SLC7A14: variants seen among roughly 807,000 people sequenced by gnomAD.
The protein encoded by SLC7A14 is solute carrier family 7 member 14.
A neutral mutation model predicts 60.2 loss-of-function variants in SLC7A14; 37 were observed. The ratio of observed to expected loss-of-function variants is 0.61; its 90% confidence interval spans 0.47 to 0.81. The LOEUF (loss-of-function observed/expected upper bound fraction) is 0.81, where lower values mean the gene tolerates loss of function less well. Among genes scored for constraint, SLC7A14 ranks in the 30% least tolerant of loss-of-function variants. The pLI is 0.00. For synonymous variants in SLC7A14, 399 were observed against 395.8 expected (o/e 1.01, Z -0.10); for missense variants, 886 against 982.7 (o/e 0.90, Z 1.32).
intron 2 of SLC7A14, among the ~76,000 whole-genome samples, chr3:170,521,442 T>G (rs981553646): frequency 1.3e-5 from 2 of 152,184 alleles, no homozygotes; most frequent in African/African-American, 4.8e-5. Flanking sequence ...CTGGACCAAT[T>G]GAATTAGAAA....
chr3:170,479,543 T>A, intron 7 of SLC7A14, among the ~76,000 whole-genome samples: 1 of 151,980 alleles, frequency 6.6e-6, no homozygotes, highest in Non-Finnish European at 1.5e-5. Context: ...TGAAAGTGAG[T>A]TTAGAGAACA....
intron 1 of SLC7A14, among the ~76,000 whole-genome samples, chr3:170,566,985 C>A (rs185615988): frequency 1.6e-3 from 237 of 151,646 alleles, no homozygotes; most frequent in Non-Finnish European, 2.7e-3. Flanking sequence ...TATTGTCCTA[C>A]TTTTATTTTT....
intron 4 of SLC7A14, among the ~76,000 whole-genome samples, chr3:170,490,460 A>G (rs1195275825): frequency 1.3e-5 from 2 of 152,240 alleles, no homozygotes; most frequent in South Asian, 2.1e-4. Flanking sequence ...CACAACAACC[A>G]TATAAATTTG....
At chr3:170,495,957 A>G (rs1712379580) in intron 4 of SLC7A14, 6 of 1,338,018 alleles carry the variant, frequency 4.5e-6, no homozygotes, top group Non-Finnish European at 6.4e-6. Flanking sequence ...GGAGGACTTC[A>G]AGAACAAGTA....
chr3:170,520,301 GGT>G (rs1713303725), intron 2 of SLC7A14, among the ~76,000 whole-genome samples: 1 of 152,072 alleles, frequency 6.6e-6, no homozygotes, highest in Non-Finnish European at 1.5e-5. Flanking sequence ...TAAAATAATG[GGT>G]TATGCACTTA....
chr3:170,527,936 AAATC>A (rs1713560747), intron 1 of SLC7A14, among the ~76,000 whole-genome samples: 1 of 152,228 alleles, frequency 6.6e-6, no homozygotes, highest in African/African-American at 2.4e-5. Flanking sequence ...ACTATAGAAT[AAATC>A]AAAGGAAGAT....
At chr3:170,499,074 A>C (rs1712514523) in intron 3 of SLC7A14, among the ~76,000 whole-genome samples, 190 bp from the exon 4 acceptor site, 1 of 151,606 alleles carries the variant, frequency 6.6e-6, no homozygotes, top group Non-Finnish European at 1.5e-5. Context: ...GTCTCTACTA[A>C]AAATACAAAA....
chr3:170,573,399 A>G (rs575278742), intron 1 of SLC7A14, among the ~76,000 whole-genome samples: 1 of 152,246 alleles, frequency 6.6e-6, no homozygotes, highest in Admixed American at 6.5e-5. Flanking sequence ...CAATTAAACA[A>G]CTTTCTCAGA....
Position 170,585,168 on chromosome 3 carries a change from A to G in SLC7A14, c.-153+743T>C, listed in dbSNP as rs530989605. ...GGGAGCTGATGTGCTTTGGAATGGG[A>G]GAAGAGAGGAGACTGAGGGTTGAAG... On this transcript the variant is annotated intron_variant, in intron 1 of 7. Coordinates refer to ENST00000231706, the MANE Select transcript of SLC7A14 (RefSeq NM_020949.3). This position sits in a 1 kb window ranked among gnomAD's most constrained non-coding sequence, Gnocchi z 5.1. Among the ~76,000 whole-genome samples the G allele has an allele frequency of 2.0e-5, 3 of 152,172 alleles. No homozygotes were observed. Among genetic ancestry groups the G allele is most frequent in the East Asian group, 3.9e-4 (2 of 5,146 alleles).
Position 170,499,236 on chromosome 3 carries a change from C to CAAAAAAAAA in SLC7A14, c.542-361_542-353dup, listed in dbSNP as rs11336080. 9.2e-3 allele frequency among the ~76,000 whole-genome samples: 550 copies of CAAAAAAAAA among 59,942 alleles called. 14 individuals are homozygous for CAAAAAAAAA. Among genetic ancestry groups the CAAAAAAAAA allele is most frequent in the African/African-American group, 0.022 (213 of 9,670 alleles). The allele number at this position is 59,942 out of a possible 152,430, so 39.3% of individuals were successfully genotyped here. A position where few individuals can be genotyped will look rare whatever the true frequency, so the allele number is the denominator to read the frequency against. The stretch of plus-strand genomic sequence containing the variant: ...TGGGGGACAGAGTGAGACTCTGTCT[C>CAAAAAAAAA]AAAAAAAAAAAAAAAAAAAAAAAAA... On this transcript the variant is annotated intron_variant, in intron 3 of 7. Transcript: ENST00000231706.
chr3:170,500,146 A>C (rs1357233147), intron 3 of SLC7A14, among the ~76,000 whole-genome samples: 1 of 152,156 alleles, frequency 6.6e-6, no homozygotes, highest in African/African-American at 2.4e-5. Flanking sequence ...TTTATCAGGC[A>C]TCAAGATGGA....
intron 2 of SLC7A14, among the ~76,000 whole-genome samples, chr3:170,511,404 A>G (rs533425327): frequency 3.9e-5 from 6 of 152,280 alleles, no homozygotes; most frequent in African/African-American, 1.4e-4. Flanking sequence ...TCTTAAAAAA[A>G]AAAGAAAAAA....
At chr3:170,528,677 A>G (rs1713584134) in intron 1 of SLC7A14, among the ~76,000 whole-genome samples, 1 of 151,996 alleles carries the variant, frequency 6.6e-6, no homozygotes, top group African/African-American at 2.4e-5. Flanking sequence ...CTGTGTTTTT[A>G]TTCTTGACAA....
chr3:170,486,936 A>G (rs567861909), intron 4 of SLC7A14, among the ~76,000 whole-genome samples: 1 of 151,218 alleles, frequency 6.6e-6, no homozygotes, highest in African/African-American at 2.4e-5. Flanking sequence ...CTGCATAAGG[A>G]AGAATTATCC....
chr3:170,576,730 A>G (rs1396793590), intron 1 of SLC7A14, among the ~76,000 whole-genome samples: 1 of 152,158 alleles, frequency 6.6e-6, no homozygotes, highest in Non-Finnish European at 1.5e-5. Flanking sequence ...TGCTATTGGC[A>G]TTTTGGACAG....
In SLC7A14 at chr3:170,501,186, C is replaced by T. The variant is rs749973738; in HGVS notation, c.464G>A (p.Ser155Asn). ...GTTGGCTAGTGAGTCAAACATGCTG[C>T]TCAGAGCACTGGCTCCGGCCGCAGT... ...IGTAAGASAL[S>N]SMFDSLANHT... The change falls in exon 3 of 8, where the codon AGC becomes AAC. Residue 155 changes from serine to asparagine, a missense_variant. Coordinates refer to ENST00000231706, the MANE Select transcript of SLC7A14 (RefSeq NM_020949.3). 1 of 1,614,218 alleles carries T rather than the reference C, an allele frequency of 6.2e-7. No homozygotes were observed. The highest frequency in any genetic ancestry group is 1.7e-5 in the Admixed American group (1 of 60,028).
intron 4 of SLC7A14, among the ~76,000 whole-genome samples, chr3:170,487,933 A>G (rs961998216): frequency 3.3e-5 from 5 of 152,240 alleles, no homozygotes; most frequent in Non-Finnish European, 7.3e-5. Context: ...TTCACTTCAT[A>G]TGAGAGTTGT....
At chr3:170,502,796 C>G (rs1179697358) in intron 2 of SLC7A14, 4 of 152,240 alleles carry the variant, frequency 2.6e-5, no homozygotes, top group African/African-American at 9.6e-5. Context: ...TGTACTATCT[C>G]TTCTTTCCCC....
chr3:170,497,040 C>A (rs1237011467), intron 4 of SLC7A14, among the ~76,000 whole-genome samples: 3 of 148,356 alleles, frequency 2.0e-5, no homozygotes, highest in Non-Finnish European at 4.4e-5. Flanking sequence ...TGCTTGGGGA[C>A]CCCCCTTGCC....
Sources: gnomAD v4.1 joint callset for allele counts (sites outside exome capture counted in the v4.1 genomes callset) on GRCh38, gnomAD v4.1.1 for gene constraint, Gnocchi (gnomAD v3.1) non-coding constraint, MANE v1.5 for transcripts, NCBI Gene and HGNC (gene_info 2026-07-23, HGNC 2026-07-21) for gene names.